The following PCDH15 variants were observed in gnomAD, a reference collection of about 807,000 sequenced individuals.
The protein encoded by PCDH15 is protocadherin-15.
PCDH15 carries 129 observed loss-of-function variants against 178.5 expected under a neutral mutation model. The observed-to-expected ratio is 0.72, with a 90% CI of 0.63 to 0.84. The LOEUF is 0.84. PCDH15 is among the 40% of genes least tolerant of loss of function. The probability of loss-of-function intolerance (pLI) is 0.00; values close to 1 mark genes in which losing one functional copy is unlikely to be tolerated. For synonymous variants in PCDH15, 800 were observed against 732.0 expected (o/e 1.09, Z -1.50); for missense variants, 2,230 against 2,099.9 (o/e 1.06, Z -1.21).
At chr10:54,440,305 T>C (rs2075719439) in intron 3 of PCDH15, among the ~76,000 whole-genome samples, 1 of 151,968 alleles carries the variant, frequency 6.6e-6, no homozygotes. Context: ...GGGCAGAAGG[T>C]AAAATAGTTT....
chr10:54,487,791 A>G, intron 3 of PCDH15, among the ~76,000 whole-genome samples: 1 of 152,004 alleles, frequency 6.6e-6, no homozygotes, highest in East Asian at 1.9e-4. Context: ...AATATAAGTA[A>G]ATAATATGGT....
chr10:55,352,019 A>C (rs1241912395), intron 2 of PCDH15, among the ~76,000 whole-genome samples: 3 of 152,122 alleles, frequency 2.0e-5, no homozygotes, highest in Non-Finnish European at 4.4e-5. Flanking sequence ...TCTCTCCCTA[A>C]ACCTTTGCAT....
intron 1 of PCDH15, among the ~76,000 whole-genome samples, chr10:54,728,886 A>G (rs1054858524): frequency 6.6e-6 from 1 of 151,542 alleles, no homozygotes; most frequent in Non-Finnish European, 1.5e-5. Flanking sequence ...AAATATTTAC[A>G]ATTAGAATTA....
intron 2 of PCDH15, among the ~76,000 whole-genome samples, chr10:55,148,846 T>A (rs904016803): frequency 2.7e-5 from 4 of 148,128 alleles, no homozygotes; most frequent in African/African-American, 7.3e-5. Flanking sequence ...ATATATATTA[T>A]ATAAATATAT....
At chr10:53,852,736 C>T (rs1424184557) in intron 28 of PCDH15, among the ~76,000 whole-genome samples, 2 of 151,256 alleles carry the variant, frequency 1.3e-5, no homozygotes, top group East Asian at 3.9e-4. Context: ...TATATTTTTG[C>T]CTAAAATATT....
chr10:54,593,078 T>G (rs112181988), intron 2 of PCDH15, among the ~76,000 whole-genome samples: 62 of 152,332 alleles, frequency 4.1e-4, no homozygotes, highest in Non-Finnish European at 7.8e-4. Context: ...ATTTTGAATA[T>G]TACCTTTTAT....
chr10:55,502,534 G>A (rs1424006134), intron 2 of PCDH15, among the ~76,000 whole-genome samples: 4 of 151,682 alleles, frequency 2.6e-5, no homozygotes, highest in Non-Finnish European at 5.9e-5. Context: ...ATTGCGCAGT[G>A]ATAAAGTTTG....
At chr10:54,213,716 T>C (rs533354754) in intron 10 of PCDH15, among the ~76,000 whole-genome samples, 1 of 152,274 alleles carries the variant, frequency 6.6e-6, no homozygotes, top group East Asian at 1.9e-4. Context: ...TAAGAATATT[T>C]AGTATTTTAC....
At chr10:54,361,543 A>G (rs1946050151) in intron 5 of PCDH15, among the ~76,000 whole-genome samples, 1 of 135,482 alleles carries the variant, frequency 7.4e-6, no homozygotes, top group Non-Finnish European at 1.8e-5. Flanking sequence ...TAAAAGTATT[A>G]TAGTTTTTTT....
At chr10:53,811,647 T>C in intron 35 of PCDH15, 28 bp from the exon 36 acceptor site, 1 of 1,449,210 alleles carries the variant, frequency 6.9e-7, no homozygotes, top group South Asian at 1.4e-5. Context: ...AAATTGCATT[T>C]GAAAACGAAT....
chr10:54,670,674 GT>G (rs2094648161), intron 1 of PCDH15, among the ~76,000 whole-genome samples: 1 of 151,994 alleles, frequency 6.6e-6, no homozygotes. Flanking sequence ...CACCAAAAAT[GT>G]TTTTAAATGA....
At chr10:53,916,826 T>C (rs2083566201) in intron 25 of PCDH15, among the ~76,000 whole-genome samples, 1 of 152,108 alleles carries the variant, frequency 6.6e-6, no homozygotes, top group African/African-American at 2.4e-5. Context: ...AGCAAATATA[T>C]GTAAGGCATT....
intron 3 of PCDH15, among the ~76,000 whole-genome samples, chr10:54,482,921 A>G (rs1204340657): frequency 6.6e-6 from 1 of 151,804 alleles, no homozygotes; most frequent in Admixed American, 6.6e-5. Context: ...GGAGTAAAAT[A>G]TTAATTTCTA....
rs61853595 is a variant in PCDH15 at position 54,499,746 on chromosome 10, G to A, written c.157+28066C>T. ...AGAAAGATCTCAAATTAACTATCTA[G>A]CATTACACCAAGAGGAAGTAGGAAA... is the stretch of plus-strand genomic sequence containing the variant. On this transcript the variant is annotated intron_variant, in intron 3 of 37. Coordinates refer to ENST00000644397, the MANE Select transcript of PCDH15 (RefSeq NM_001384140.1). Among the ~76,000 whole-genome samples, 1,491 of 152,108 alleles carry A rather than the reference G, an allele frequency of 9.8e-3. 13 individuals carry two copies. The highest frequency in any genetic ancestry group is 0.041 in the Middle Eastern group (12 of 294).
At chr10:53,905,630 C>T (rs963308070) in intron 25 of PCDH15, among the ~76,000 whole-genome samples, 1 of 152,120 alleles carries the variant, frequency 6.6e-6, no homozygotes, top group South Asian at 2.1e-4. Flanking sequence ...AGCCACCATG[C>T]CTGGCCGACA....
intron 6 of PCDH15, among the ~76,000 whole-genome samples, chr10:54,335,250 TG>T (rs1166960715): frequency 6.6e-6 from 1 of 152,214 alleles, no homozygotes; most frequent in Non-Finnish European, 1.5e-5. Context: ...TGTTTCATAC[TG>T]TTAAAACATG....
At chr10:54,829,570 T>C (rs974072327) in intron 3 of PCDH15, among the ~76,000 whole-genome samples, 3 of 152,030 alleles carry the variant, frequency 2.0e-5, no homozygotes, top group South Asian at 2.1e-4. Context: ...ATCTAGTAAA[T>C]GGTACAGCCA....
intron 16 of PCDH15, among the ~76,000 whole-genome samples, chr10:54,085,565 A>G (rs2094502244): frequency 6.6e-6 from 1 of 152,186 alleles, no homozygotes; most frequent in South Asian, 2.1e-4. Flanking sequence ...CTATCAAGAC[A>G]GACACTATGA....
intron 8 of PCDH15, among the ~76,000 whole-genome samples, chr10:54,311,914 A>C (rs949718025): frequency 6.6e-6 from 1 of 152,092 alleles, no homozygotes; most frequent in Non-Finnish European, 1.5e-5. Flanking sequence ...ATATTTTTAA[A>C]AGTTTTTCTG....
Sources: allele counts gnomAD v4.1 joint callset (sites outside exome capture counted in the v4.1 genomes callset), GRCh38; gene constraint gnomAD v4.1.1; transcripts MANE v1.5; gene names NCBI Gene and HGNC (gene_info 2026-07-23, HGNC 2026-07-21).